RNF125: variants seen among roughly 807,000 people sequenced by gnomAD.
RNF125 encodes the protein E3 ubiquitin-protein ligase RNF125.
A neutral mutation model predicts 26.0 loss-of-function variants in RNF125; 21 were observed. That is an observed-to-expected ratio of 0.81 (90% CI 0.57 to 1.16). The LOEUF (loss-of-function observed/expected upper bound fraction) is 1.16. Ranked by LOEUF, RNF125 falls within the 50% of genes most tolerant of loss-of-function variation. RNF125 has a pLI of 0.00. For synonymous variants in RNF125, 95 were observed against 109.2 expected, an observed-to-expected ratio of 0.87 and a Z score of 0.81; for missense variants, 270 against 299.4, an observed-to-expected ratio of 0.90 and a Z score of 0.72.
At chr18:32,082,504 A>G in the RNF125 span, among the ~76,000 whole-genome samples, 1 of 152,192 alleles carries the variant, frequency 6.6e-6, no homozygotes, top group Admixed American at 6.5e-5. Context: ...ATTTTAGGGA[A>G]TAGAGAAGAC....
chr18:32,030,805 T>G (rs1310392603), intron 1 of RNF125, among the ~76,000 whole-genome samples: 1 of 152,014 alleles, frequency 6.6e-6, no homozygotes, highest in Non-Finnish European at 1.5e-5. Context: ...CATCCCCTGG[T>G]GGAAAGGTAG....
rs2039509609 is a variant in RNF125, at chr18:32,068,980, G to A, written c.*596G>A. ...GGAGGCTGAAGCAGGCGGATCACAA[G>A]GTCAGGAGTTCGAGACCAGCCTGGC... is the stretch of plus-strand genomic sequence containing the variant. On this transcript the variant is annotated 3_prime_UTR_variant, in exon 6 of 6. Transcript: ENST00000217740. 1 of 152,216 alleles carries A rather than the reference G, an allele frequency of 6.6e-6. No individual in the cohort carries two copies. Among genetic ancestry groups the A allele is most frequent in the South Asian group, 2.1e-4 (1 of 4,826 alleles). The allele number at this position is 152,216 out of a possible 1,614,324, so 9.4% of individuals were successfully genotyped here. A position where few individuals can be genotyped will look rare whatever the true frequency, so the allele number is the denominator to read the frequency against.
At chr18:32,027,864 A>T (rs1329738040) in intron 1 of RNF125, among the ~76,000 whole-genome samples, 3 of 152,096 alleles carry the variant, frequency 2.0e-5, no homozygotes, top group African/African-American at 7.2e-5. Context: ...CAGATGCTTG[A>T]TGCTTTTATA....
chr18:32,053,962 T>C (rs2039354674), intron 4 of RNF125, among the ~76,000 whole-genome samples: 1 of 152,124 alleles, frequency 6.6e-6, no homozygotes, highest in Non-Finnish European at 1.5e-5. Flanking sequence ...ACTCCATTTC[T>C]GTGGCTTTGG....
At chr18:32,050,942 C>G (rs560808620) in intron 4 of RNF125, among the ~76,000 whole-genome samples, 1 of 114,452 alleles carries the variant, frequency 8.7e-6, no homozygotes, top group Non-Finnish European at 1.6e-5. Context: ...GGCTGAGTCT[C>G]GAACTTGTGA....
chr18:32,030,797 T>C (rs1292186668), intron 1 of RNF125, among the ~76,000 whole-genome samples: 1 of 152,206 alleles, frequency 6.6e-6, no homozygotes, highest in Non-Finnish European at 1.5e-5. Context: ...GCTAGGGTCA[T>C]CCCCTGGTGG....
intron 1 of RNF125, among the ~76,000 whole-genome samples, chr18:32,027,330 CA>C (rs1473900393): frequency 1.3e-5 from 2 of 150,978 alleles, no homozygotes; most frequent in African/African-American, 4.9e-5. Flanking sequence ...TTCTACTTTT[CA>C]AAAATCTTGC....
the RNF125 span, among the ~76,000 whole-genome samples, chr18:32,084,359 C>G: frequency 6.9e-6 from 1 of 144,842 alleles, no homozygotes; most frequent in Non-Finnish European, 1.5e-5. Flanking sequence ...TGTCTCCAAA[C>G]AAACAAACAA....
chr18:32,042,205 T>C lies in RNF125; in HGVS notation c.345T>C (p.His115=), dbSNP rs140351103. ...TLVCLSEMRA[H]IRTCQKYIDK... ...TTTGCCTCAGTGAAATGAGGGCACA[T>C]ATTCGGACTTGTCAGAAGTACATAG... Residue 115 remains histidine, a synonymous_variant, in exon 3 of 6, where the codon CAT becomes CAC. Transcript: ENST00000217740. The C allele has an allele frequency of 1.2e-6, 2 of 1,613,578 alleles. No homozygotes were observed. The highest frequency in any genetic ancestry group is 2.7e-5 in the African/African-American group (2 of 75,010).
Position 32,018,870 on chromosome 18 carries a change from T to G in RNF125, c.7T>G (p.Ser3Ala), listed in dbSNP as rs2038956282. MGSVLSTDSGKSA... is the reference protein window; with the variant it reads MGAVLSTDSGKSA... ...CTGGGCGAGAGGCACAGCGATGGGC[T>G]CCGTGCTGAGCACCGACAGCGGCAA... The change falls in exon 1 of 6, where the codon TCC becomes GCC. Residue 3 changes from serine to alanine, a missense_variant. Physicochemically the swap from Ser to Ala is moderately conservative, Grantham distance 99. Coordinates refer to ENST00000217740, the MANE Select transcript of RNF125 (RefSeq NM_017831.4). 1 of 1,581,750 alleles carries G rather than the reference T, an allele frequency of 6.3e-7. No homozygotes were observed. Among genetic ancestry groups the G allele is most frequent in the Admixed American group, 1.8e-5 (1 of 54,348 alleles).
downstream of RNF125, among the ~76,000 whole-genome samples, chr18:32,075,037 C>T (rs549161825): frequency 2.6e-5 from 4 of 152,148 alleles, no homozygotes; most frequent in East Asian, 5.8e-4. Context: ...TTGTGTGCCG[C>T]CATCAGAACC....
chr18:32,046,596 CAAAAA>C (rs34644068), intron 4 of RNF125, among the ~76,000 whole-genome samples: 1 of 95,924 alleles, frequency 1.0e-5, no homozygotes, highest in Non-Finnish European at 2.0e-5. Context: ...GACTCTGTCT[CAAAAA>C]AAAAAAAAAA....
At chr18:32,076,254 G>T, downstream of RNF125, 1 of 414,378 alleles carries the variant, frequency 2.4e-6, no homozygotes, top group South Asian at 2.1e-5. Context: ...GCATCAGCCA[G>T]GACATTTATG....
intron 1 of RNF125, among the ~76,000 whole-genome samples, chr18:32,030,421 G>A (rs1001063466): frequency 6.6e-5 from 10 of 152,324 alleles, no homozygotes; most frequent in East Asian, 5.8e-4. Context: ...GGATTGAAAC[G>A]TTCAATTTGT....
chr18:32,075,790 TA>T, downstream of RNF125: 1 of 577,206 alleles, frequency 1.7e-6, no homozygotes, highest in Non-Finnish European at 3.1e-6. Flanking sequence ...TTTCACTGCT[TA>T]AAATGCTCCC....
Position 32,071,843 on chromosome 18 carries a change from T to C in RNF125, c.*3459T>C, listed in dbSNP as rs748179799. 1 of 152,156 alleles carries C rather than the reference T, an allele frequency of 6.6e-6. No homozygotes were observed. The highest frequency in any genetic ancestry group is 1.5e-5 in the Non-Finnish European group (1 of 68,036). The allele number at this position is 152,156 out of a possible 1,614,324, so 9.4% of individuals were successfully genotyped here. A position where few individuals can be genotyped will look rare whatever the true frequency, so the allele number is the denominator to read the frequency against. On this transcript the variant is annotated 3_prime_UTR_variant, in exon 6 of 6. Coordinates refer to ENST00000217740, the MANE Select transcript of RNF125 (RefSeq NM_017831.4). ...CAGCTGCTAAAAAGTAACAACTGAT[T>C]TTTAGTTCCACAACCTCTCTTTCTT...
chr18:32,050,864 G>GTT (rs2039317835), intron 4 of RNF125, among the ~76,000 whole-genome samples: 1 of 71,260 alleles, frequency 1.4e-5, no homozygotes, highest in African/African-American at 6.0e-5. Flanking sequence ...GGTCTAGAGT[G>GTT]CTTTTTTTTT....
chr18:32,052,607 G>A (rs1442219918), intron 4 of RNF125, among the ~76,000 whole-genome samples: 2 of 152,030 alleles, frequency 1.3e-5, no homozygotes, highest in African/African-American at 4.8e-5. Flanking sequence ...ATTGGATTGA[G>A]TGACCTTTAA....
chr18:32,068,061 C>T (rs1359344737), intron 5 of RNF125, among the ~76,000 whole-genome samples: 1 of 152,114 alleles, frequency 6.6e-6, no homozygotes, highest in Non-Finnish European at 1.5e-5. Flanking sequence ...CTTCAAATTT[C>T]AAATCAAGAC....
Sources: allele counts gnomAD v4.1 joint callset (sites outside exome capture counted in the v4.1 genomes callset), GRCh38; gene constraint gnomAD v4.1.1; transcripts MANE v1.5; gene names NCBI Gene and HGNC (gene_info 2026-07-23, HGNC 2026-07-21).